The following HMCN2 variants were observed in gnomAD, a reference collection of about 807,000 sequenced individuals.
The protein encoded by HMCN2 is hemicentin 2.
A neutral mutation model predicts 377.5 loss-of-function variants in HMCN2; 325 were observed. That is an observed-to-expected ratio of 0.86 (90% confidence interval 0.79 to 0.94). The LOEUF (loss-of-function observed/expected upper bound fraction) is 0.94. HMCN2 is among the 40% of genes least tolerant of loss of function. The pLI is 0.00. For missense variants in HMCN2, 4,543 were observed against 4,725.3 expected (o/e 0.96, Z 1.13); for synonymous variants, 2,007 against 2,046.8 (o/e 0.98, Z 0.53).
chr9:130,416,981 C>T (rs1293280567), intron 85 of HMCN2, among the ~76,000 whole-genome samples: 1 of 151,802 alleles, frequency 6.6e-6, no homozygotes, highest in Non-Finnish European at 1.5e-5. Flanking sequence ...GGCGCAATCT[C>T]GGCTACTGTA....
chr9:130,393,378 C>T lies in HMCN2; in HGVS notation c.10234+69C>T, dbSNP rs1842433308. On this transcript the variant is annotated intron_variant, in intron 67 of 97. Coordinates refer to ENST00000683500, the MANE Select transcript of HMCN2 (RefSeq NM_001291815.2). The surrounding 1 kb of genome is among the most constrained non-coding windows in gnomAD (Gnocchi z 5.2). ...GGTGAGAATCAAGGCCCTTGGCCCCCCTGCCCTTCTGGGTGGAACCAAGGA... is the reference window on the plus strand; with the variant it reads ...GGTGAGAATCAAGGCCCTTGGCCCCTCTGCCCTTCTGGGTGGAACCAAGGA... 1 of 955,278 alleles carries T rather than the reference C, an allele frequency of 1.0e-6. No individual in the cohort carries two copies. Among genetic ancestry groups the T allele is most frequent in the Non-Finnish European group, 1.3e-6 (1 of 798,296 alleles). The allele number at this position is 955,278 out of a possible 1,614,324, so 59.2% of individuals were successfully genotyped here.
chr9:130,361,037 ACC>A lies in HMCN2; in HGVS notation c.5950+435_5950+436del, dbSNP rs1356885141. On this transcript the variant is annotated intron_variant, in intron 38 of 97. Coordinates refer to ENST00000683500, the MANE Select transcript of HMCN2 (RefSeq NM_001291815.2). This position sits in a 1 kb window ranked among gnomAD's most constrained non-coding sequence, Gnocchi z 4.8. ...CCATCTATCCATCCATCCATCTACT[ACC>A]CATCTACCCATTCACCATCCATTCA... 6.6e-6 allele frequency among the ~76,000 whole-genome samples: 1 copy of A among 151,856 alleles called. No individual in the cohort carries two copies. The highest frequency in any genetic ancestry group is 2.4e-5 in the African/African-American group (1 of 41,322).
chr9:130,403,254 T>A lies in HMCN2; in HGVS notation c.11939T>A (p.Leu3980Gln), dbSNP rs1392263623. The change falls in exon 79 of 98, where the codon CTG becomes CAG. Residue 3980 changes from leucine to glutamine, a missense_variant. By Grantham distance (113) the Leu-to-Gln change is moderately radical (BLOSUM62 -2). Coordinates refer to ENST00000683500, the MANE Select transcript of HMCN2 (RefSeq NM_001291815.2). Reference sequence around the variant, plus strand: ...CGGGCAGTGGCAGAGGAGGAGGTGCTGCTGCCCTGCGAGGCCTCAGGCATC... The same window carrying A: ...CGGGCAGTGGCAGAGGAGGAGGTGCAGCTGCCCTGCGAGGCCTCAGGCATC... Reference protein sequence around the residue: ...VVRAVAEEEVLLPCEASGIPR... With the variant: ...VVRAVAEEEVQLPCEASGIPR... The A allele has an allele frequency of 7.8e-7, 1 of 1,289,780 alleles. No individual in the cohort carries two copies. Among genetic ancestry groups the A allele is most frequent in the Admixed American group, 2.3e-5 (1 of 43,552 alleles). 79.9% of individuals were successfully genotyped at this position (1,289,780 alleles called of 1,614,324 possible). A position where few individuals can be genotyped will look rare whatever the true frequency, so the allele number is the denominator to read the frequency against.
At chr9:130,306,475 G>C (rs138761276) in intron 12 of HMCN2, among the ~76,000 whole-genome samples, 4 of 152,128 alleles carry the variant, frequency 2.6e-5, no homozygotes, top group Admixed American at 2.6e-4. Context: ...AGGAGCTCAG[G>C]CTGTATGGAC....
chr9:130,425,041 G>A lies in HMCN2; in HGVS notation c.13552G>A (p.Gly4518Ser). The A allele has an allele frequency of 6.5e-7, 1 of 1,549,954 alleles. No homozygotes were observed. The highest frequency in any genetic ancestry group is 8.7e-7 in the Non-Finnish European group (1 of 1,146,680). ...ELLTMTQVAR[G>S]LDPDGLLLLD... ...GCTCACGATGACCCAGGTGGCCCGG[G>A]GTCTGGATCCCGATGGCCTCCTGCT... Residue 4518 changes from glycine to serine, a missense_variant, in exon 89 of 98, where the codon GGT becomes AGT. Physicochemically the swap from Gly to Ser is moderately conservative, Grantham distance 56 (BLOSUM62 0). Around this residue, in one of 5 missense-constraint regions of HMCN2, gnomAD observed 1,155 missense variants for 1,157.7 expected, o/e 1.00. Transcript: ENST00000683500.
chr9:130,283,325 A>G (rs1554926413), intron 1 of HMCN2, among the ~76,000 whole-genome samples: 2 of 152,130 alleles, frequency 1.3e-5, no homozygotes, highest in Non-Finnish European at 2.9e-5. Flanking sequence ...TAAGTAGAAG[A>G]TAATAATGAA....
chr9:130,367,710 GGCA>G, intron 43 of HMCN2, among the ~76,000 whole-genome samples: 1 of 152,036 alleles, frequency 6.6e-6, no homozygotes, highest in Non-Finnish European at 1.5e-5. Context: ...GGGAGGCCGA[GGCA>G]GTGGGTCACC....
At chr9:130,355,628 A>T in intron 32 of HMCN2, 118 bp from the exon 33 acceptor site, 1 of 522,132 alleles carries the variant, frequency 1.9e-6, no homozygotes, top group South Asian at 1.6e-5. Flanking sequence ...GGCCACTGAT[A>T]GGGAGACGTG....
At chr9:130,323,585 G>T (rs1329013756) in intron 19 of HMCN2, among the ~76,000 whole-genome samples, 5 of 152,220 alleles carry the variant, frequency 3.3e-5, no homozygotes, top group African/African-American at 2.4e-5. Flanking sequence ...CAGCGCAGCT[G>T]GTTCCCAAGC....
chr9:130,330,968 A>AACACACACACACACACACACACACAC (rs1173053980), intron 22 of HMCN2, among the ~76,000 whole-genome samples: 3 of 131,510 alleles, frequency 2.3e-5, no homozygotes, highest in Admixed American at 1.5e-4. Context: ...TCTCTACTGA[A>AACACACACACACACACACACACACAC]ACACACACAC....
intron 33 of HMCN2, 47 bp from the exon 34 acceptor site, chr9:130,356,041 C>A: frequency 8.5e-7 from 1 of 1,176,210 alleles, no homozygotes; most frequent in South Asian, 1.4e-5. Context: ...CCTGGCCTGG[C>A]CTTCCCTGGT....
intron 2 of HMCN2, among the ~76,000 whole-genome samples, 199 bp downstream of exon 2, chr9:130,284,872 C>T (rs1421565901): frequency 6.6e-6 from 1 of 152,176 alleles, no homozygotes; most frequent in Admixed American, 6.5e-5. Flanking sequence ...GTACTCGTCA[C>T]GGTGCTGGGC....
intron 54 of HMCN2, among the ~76,000 whole-genome samples, 188 bp downstream of exon 54, chr9:130,379,655 G>A (rs1043542725): frequency 6.6e-6 from 1 of 152,226 alleles, no homozygotes; most frequent in African/African-American, 2.4e-5. Flanking sequence ...ATAGAGCAGA[G>A]CCTCCTATCA....
chr9:130,400,993 G>A (rs1842836820), intron 77 of HMCN2, 46 bp downstream of exon 77: 1 of 1,255,636 alleles, frequency 8.0e-7, no homozygotes. Context: ...GGGGAGACTG[G>A]GAGAGCAGGC....
intron 15 of HMCN2, among the ~76,000 whole-genome samples, chr9:130,316,794 G>A (rs1457849572): frequency 1.3e-5 from 2 of 152,202 alleles, no homozygotes; most frequent in African/African-American, 4.8e-5. Flanking sequence ...GTGAGGAGGG[G>A]CCTGGGAGCC....
rs780840452 is a variant in HMCN2 at position 130,357,826 on chromosome 9, C to T, written c.5426-8C>T. On this transcript the variant is annotated splice_polypyrimidine_tract_variant and splice_region_variant and intron_variant, in intron 34 of 97. Coordinates refer to ENST00000683500, the MANE Select transcript of HMCN2 (RefSeq NM_001291815.2). ...ACTCGGGCTCTTCCTGACTCTTTCC[C>T]TTCCCAGAGTTCCCATCGGTCAGTA... 8 of 1,301,062 alleles carry T rather than the reference C, an allele frequency of 6.1e-6. No individual in the cohort carries two copies. The highest frequency in any genetic ancestry group is 4.6e-5 in the Admixed American group (2 of 43,400). 80.6% of individuals were successfully genotyped at this position (1,301,062 alleles called of 1,614,324 possible).
At chr9:130,398,761 C>G (rs893367569) in intron 75 of HMCN2, 54 bp downstream of exon 75, 22 of 1,256,964 alleles carry the variant, frequency 1.8e-5, no homozygotes, top group Non-Finnish European at 2.3e-5. Flanking sequence ...CGGGGAGGCA[C>G]TCTCTTCTCA....
At chr9:130,329,768 A>G (rs1838326205) in intron 22 of HMCN2, among the ~76,000 whole-genome samples, 1 of 151,464 alleles carries the variant, frequency 6.6e-6, no homozygotes, top group Non-Finnish European at 1.5e-5. Context: ...ATTGTACTTG[A>G]AGCTTTGTTC....
chr9:130,430,636 C>T (rs1230230709), intron 95 of HMCN2, 32 bp downstream of exon 95: 5 of 1,519,782 alleles, frequency 3.3e-6, no homozygotes, highest in Non-Finnish European at 3.5e-6. Context: ...CCACGGGACA[C>T]TGCCGTTATG....
Sources: allele counts gnomAD v4.1 joint callset (sites outside exome capture counted in the v4.1 genomes callset), GRCh38; gene constraint gnomAD v4.1.1; regional missense constraint gnomAD v4.1.1; non-coding constraint Gnocchi (gnomAD v3.1); transcripts MANE v1.5; gene names NCBI Gene and HGNC (gene_info 2026-07-23, HGNC 2026-07-21).